The following PIK3C2G variants were observed in gnomAD, a reference collection of about 807,000 sequenced individuals.
PIK3C2G encodes phosphatidylinositol 3-kinase C2 domain-containing subunit gamma.
PIK3C2G carries 168 observed loss-of-function variants against 181.1 expected under a neutral mutation model. That is an observed-to-expected ratio of 0.93 (90% confidence interval 0.82 to 1.05). The LOEUF (loss-of-function observed/expected upper bound fraction) is 1.05. Among genes scored for constraint, PIK3C2G ranks in the 50% least tolerant of loss-of-function variants. The pLI, the probability that PIK3C2G is intolerant of heterozygous loss-of-function variation, is 0.00. For missense variants in PIK3C2G, 1,869 were observed against 1,732.8 expected, an observed-to-expected ratio of 1.08 and a Z score of -1.40; for synonymous variants, 573 against 592.2, an observed-to-expected ratio of 0.97 and a Z score of 0.47.
chr12:18,713,073 A>G, the PIK3C2G span: 1 of 1,523,524 alleles, frequency 6.6e-7, no homozygotes, highest in Non-Finnish European at 9.0e-7. Context: ...AGACCATTTG[A>G]TTTTATAATA....
chr12:18,647,868 G>T lies in PIK3C2G; in HGVS notation c.4309-8G>T, dbSNP rs117378660. 2.7e-6 allele frequency: 4 copies of T among 1,464,232 alleles called. No individual in the cohort carries two copies. Among genetic ancestry groups the T allele is most frequent in the East Asian group, 2.5e-5 (1 of 40,596 alleles). The allele number at this position is 1,464,232 out of a possible 1,614,324, so 90.7% of individuals were successfully genotyped here. A position where few individuals can be genotyped will look rare whatever the true frequency, so the allele number is the denominator to read the frequency against. On this transcript the variant is annotated splice_polypyrimidine_tract_variant and splice_region_variant and intron_variant, in intron 32 of 32. Transcript: ENST00000538779. ...GATTTATATTTTCATTATTTTCTCC[G>T]TTTTTAGGTAGTATATGATGAAGTC...
chr12:18,462,390 CA>C (rs60548721), intron 18 of PIK3C2G, among the ~76,000 whole-genome samples: 36 of 151,020 alleles, frequency 2.4e-4, no homozygotes, highest in East Asian at 3.9e-4. Flanking sequence ...GAGCACCATA[CA>C]AAAAAAAATG....
At chr12:18,514,448 G>A (rs1307916777) in intron 24 of PIK3C2G, among the ~76,000 whole-genome samples, 1 of 151,440 alleles carries the variant, frequency 6.6e-6, no homozygotes, top group African/African-American at 2.4e-5. Context: ...AGTTTTTATC[G>A]CAGAGATCTT....
Position 18,282,109 on chromosome 12 carries a change from A to G in PIK3C2G, c.28A>G (p.Asn10Asp). ...GGCATATTCTTGGCAAACGGATCCA[A>G]ATCCTAATGAATCACACGAAAAGCA... MAYSWQTDP[N>D]PNESHEKQYE... is the part of the protein sequence containing the mutation. Residue 10 changes from asparagine to aspartate, a missense_variant, in exon 2 of 33, where the codon AAT becomes GAT. Asn to Asp is a conservative substitution (Grantham distance 23). Coordinates refer to ENST00000538779, the MANE Select transcript of PIK3C2G (RefSeq NM_001288772.2). 6.2e-7 allele frequency: 1 copy of G among 1,603,092 alleles called. No individual in the cohort carries two copies. Among genetic ancestry groups the G allele is most frequent in the Non-Finnish European group, 8.5e-7 (1 of 1,173,870 alleles).
rs568208745 is a variant in PIK3C2G, at chr12:18,304,034, C to CT, written c.1035-9922dup. 8.2e-4 allele frequency among the ~76,000 whole-genome samples: 124 copies of CT among 151,922 alleles called. 1 individual carries two copies. The highest frequency in any genetic ancestry group is 2.9e-3 in the African/African-American group (120 of 41,478). ...CAAATTAAGAAGGTGGTATTTACCTCTTTTTTCATCACCCACATTGATTAG... is the reference window on the plus strand; with the variant it reads ...CAAATTAAGAAGGTGGTATTTACCTCTTTTTTTCATCACCCACATTGATTAG... On this transcript the variant is annotated intron_variant, in intron 5 of 32. Transcript: ENST00000538779.
rs528002272 is a variant in PIK3C2G at position 18,321,304 on chromosome 12, C to T, written c.1208+272C>T. On this transcript the variant is annotated intron_variant, in intron 7 of 32. Transcript: ENST00000538779. ...TTACATTTTCAAGGACTTGTTTTCC[C>T]GATTCATTTTGTGATTTTGGGTTTG... 3.3e-5 allele frequency among the ~76,000 whole-genome samples: 5 copies of T among 152,192 alleles called. No individual in the cohort carries two copies. In the South Asian group the frequency reaches 6.2e-4, roughly 19 times the overall value.
chr12:18,282,218 A>G lies in PIK3C2G; in HGVS notation c.137A>G (p.Glu46Gly), dbSNP rs1949250400. 6.2e-7 allele frequency: 1 copy of G among 1,613,428 alleles called. No homozygotes were observed. The highest frequency in any genetic ancestry group is 8.5e-7 in the Non-Finnish European group (1 of 1,179,660). Residue 46 changes from glutamate to glycine, a missense_variant, in exon 2 of 33, where the codon GAG becomes GGG. By Grantham distance (98) the Glu-to-Gly change is moderately conservative (BLOSUM62 -2). Coordinates refer to ENST00000538779, the MANE Select transcript of PIK3C2G (RefSeq NM_001288772.2). ...CTGGGTTTTGATCAGATAGTAGATG[A>G]GATCAGTGGCAAAATTCCACACTAC... Reference protein sequence around the residue: ...VSLGFDQIVDEISGKIPHYES... With the variant: ...VSLGFDQIVDGISGKIPHYES...
rs1592065412 is a variant in PIK3C2G at position 18,362,835 on chromosome 12, G to GA, written c.1700dup (p.Asn567LysfsTer16). 6.6e-7 allele frequency: 1 copy of GA among 1,521,774 alleles called. No individual in the cohort carries two copies. The highest frequency in any genetic ancestry group is 2.5e-5 in the East Asian group (1 of 40,656). The allele number at this position is 1,521,774 out of a possible 1,614,324, so 94.3% of individuals were successfully genotyped here. A position where few individuals can be genotyped will look rare whatever the true frequency, so the allele number is the denominator to read the frequency against. ...AAGCTGTGCCAAGTGAGAAACTACA[G>GA]AAATATTCCAGACAAGAAATTATTT... On this transcript the variant is annotated frameshift_variant, in exon 12 of 33. Coordinates refer to ENST00000538779, the MANE Select transcript of PIK3C2G (RefSeq NM_001288772.2). LOFTEE classifies it high-confidence loss of function.
At chr12:18,539,885 CT>C (rs1423547553) in intron 25 of PIK3C2G, among the ~76,000 whole-genome samples, 1 of 151,862 alleles carries the variant, frequency 6.6e-6, no homozygotes, top group Non-Finnish European at 1.5e-5. Context: ...TTCAAGATTA[CT>C]TTTCAGTAAT....
At chr12:18,567,789 AAGTTACCACAC>A (rs1421229771) in intron 29 of PIK3C2G, among the ~76,000 whole-genome samples, 2 of 152,180 alleles carry the variant, frequency 1.3e-5, no homozygotes, top group African/African-American at 4.8e-5. Context: ...CTGCTGTGAC[AAGTTACCACAC>A]ACCTGGTGGC....
chr12:18,460,399 C>A lies in PIK3C2G; in HGVS notation c.2505-28050C>A, dbSNP rs1039409181. On this transcript the variant is annotated intron_variant, in intron 18 of 32. Transcript: ENST00000538779. ...ACAGCCTGGCCAATATGGTGAAACA[C>A]CGGCTCTACTAAAAATACAAAAAAA... Among the ~76,000 whole-genome samples the A allele has an allele frequency of 1.3e-4, 20 of 151,816 alleles. No homozygotes were observed. In the East Asian group the frequency reaches 3.7e-3, roughly 28 times the overall value.
intron 31 of PIK3C2G, among the ~76,000 whole-genome samples, chr12:18,627,654 A>G (rs1949163244): frequency 6.6e-6 from 1 of 152,204 alleles, no homozygotes. Context: ...CTGAGGCACA[A>G]AAACAAATCA....
chr12:18,652,819 G>T (rs11044237), downstream of PIK3C2G, among the ~76,000 whole-genome samples: 21,661 of 151,940 alleles, frequency 0.14, 1,968 homozygotes, highest in East Asian at 0.41. Flanking sequence ...TGTCTCCAGA[G>T]AGTAGTAACA....
chr12:18,280,727 AC>A lies in PIK3C2G; in HGVS notation c.-78-1276del, dbSNP rs528573698. On this transcript the variant is annotated intron_variant, in intron 1 of 32. Transcript: ENST00000538779. ...ATATTTGGTTAGTGTCTTAAATAAA[AC>A]ATACATAATTGGATTACTGTATAAG... Among the ~76,000 whole-genome samples, 4 of 152,194 alleles carry A rather than the reference AC, an allele frequency of 2.6e-5. No individual in the cohort carries two copies. In the South Asian group the frequency reaches 8.3e-4, roughly 31 times the overall value.
chr12:18,710,235 G>A, the PIK3C2G span, among the ~76,000 whole-genome samples: 1 of 148,802 alleles, frequency 6.7e-6, no homozygotes, highest in Non-Finnish European at 1.5e-5. Context: ...ATCCTTGCAA[G>A]GCCTTTGAAT....
chr12:18,416,585 A>C (rs1945193863), intron 16 of PIK3C2G, among the ~76,000 whole-genome samples: 1 of 152,150 alleles, frequency 6.6e-6, no homozygotes, highest in South Asian at 2.1e-4. Context: ...TATTTCAAAA[A>C]TCCTGGGGTG....
the PIK3C2G span, among the ~76,000 whole-genome samples, chr12:18,685,997 GAATT>G: frequency 4.5e-3 from 691 of 152,074 alleles, 11 homozygotes; most frequent in African/African-American, 0.015. Context: ...CAAAACTGAA[GAATT>G]ATTTCCACAT....
intron 18 of PIK3C2G, among the ~76,000 whole-genome samples, chr12:18,444,001 A>C (rs571131483): frequency 1.3e-5 from 2 of 152,278 alleles, no homozygotes; most frequent in East Asian, 3.9e-4. Flanking sequence ...TCGTGTATTG[A>C]GTGTATTTTA....
intron 8 of PIK3C2G, among the ~76,000 whole-genome samples, chr12:18,337,523 G>A (rs1355604736): frequency 2.0e-5 from 3 of 152,160 alleles, no homozygotes; most frequent in African/African-American, 7.2e-5. Flanking sequence ...AATACAAGAA[G>A]TGTGGTGCCA....
Sources: allele counts gnomAD v4.1 joint callset (sites outside exome capture counted in the v4.1 genomes callset), GRCh38; gene constraint gnomAD v4.1.1; transcripts MANE v1.5; gene names NCBI Gene and HGNC (gene_info 2026-07-23, HGNC 2026-07-21).